NOSTRIN: variants seen among roughly 807,000 people sequenced by gnomAD.
NOSTRIN encodes nitric oxide synthase trafficking, also known as BM247 homolog.
Under a neutral mutation model 59.0 loss-of-function variants are expected in NOSTRIN, and 63 were observed. That is an observed-to-expected ratio of 1.07 (90% CI 0.87 to 1.32). The LOEUF is 1.32. Among genes scored for constraint, NOSTRIN ranks in the 40% most tolerant of loss-of-function variants. The probability of loss-of-function intolerance (pLI) is 0.00; values close to 1 mark genes in which losing one functional copy is unlikely to be tolerated. For synonymous variants in NOSTRIN, 200 were observed against 165.4 expected, an observed-to-expected ratio of 1.21 and a Z score of -1.61; for missense variants, 512 against 473.1, an observed-to-expected ratio of 1.08 and a Z score of -0.76.
chr2:168,855,284 C>G (rs1277730969), intron 10 of NOSTRIN, 68 bp from the exon 11 acceptor site: 3 of 718,126 alleles, frequency 4.2e-6, no homozygotes, highest in Middle Eastern at 3.8e-4. Context: ...GTGGAAGTAT[C>G]AGAATGGACA....
chr2:168,822,667 T>C (rs1443540073), intron 2 of NOSTRIN, among the ~76,000 whole-genome samples: 1 of 152,230 alleles, frequency 6.6e-6, no homozygotes, highest in African/African-American at 2.4e-5. Context: ...AAAAGTGATA[T>C]GAAGATGCCC....
intron 3 of NOSTRIN, among the ~76,000 whole-genome samples, chr2:168,826,511 G>A (rs1194557594): frequency 6.7e-6 from 1 of 149,878 alleles, no homozygotes; most frequent in African/African-American, 2.5e-5. Context: ...TCTTTTCACA[G>A]GTGTTGACCA....
At position 168,802,687 on chromosome 2, in the gene NOSTRIN, T is replaced by C. The variant is rs1053121649; in HGVS notation, c.27+14T>C. 1.2e-6 allele frequency: 1 copy of C among 868,614 alleles called. No individual in the cohort carries two copies. The allele number at this position is 868,614 out of a possible 1,614,324, so 53.8% of individuals were successfully genotyped here. ...ACAGATTGTCCGGTGAGTAGCTCAG[T>C]GTGGTTTGTGTGCCTGCGTGTGAGG... On this transcript the variant is annotated intron_variant, in intron 1 of 15. Transcript: ENST00000317647.
intron 12 of NOSTRIN, among the ~76,000 whole-genome samples, chr2:168,858,053 G>A (rs1689228997): frequency 6.6e-6 from 1 of 152,238 alleles, no homozygotes; most frequent in Non-Finnish European, 1.5e-5. Flanking sequence ...AAAACAGACT[G>A]TAGGACATTT....
intron 8 of NOSTRIN, among the ~76,000 whole-genome samples, chr2:168,844,720 A>C (rs951391902): frequency 1.4e-4 from 22 of 152,138 alleles, no homozygotes; most frequent in Non-Finnish European, 1.0e-4. Context: ...AATAGAAAAA[A>C]TTAGCCGCGC....
rs761309524 is a variant in NOSTRIN, at chr2:168,837,300, C to CTTTTTTTTTTTTT, written c.504+2990_504+3002dup. On this transcript the variant is annotated intron_variant, in intron 7 of 15. Coordinates refer to ENST00000317647, the MANE Select transcript of NOSTRIN (RefSeq NM_001039724.4). Reference sequence around the variant, plus strand: ...TTTTTATAATACACTTTTTTAACATCTTTTTTTTTTTTTTTTTTTTTTTTT... The same window carrying CTTTTTTTTTTTTT: ...TTTTTATAATACACTTTTTTAACATCTTTTTTTTTTTTTTTTTTTTTTTTTTTTTTTTTTTTTT... Among the ~76,000 whole-genome samples, 16 of 62,178 alleles carry CTTTTTTTTTTTTT rather than the reference C, an allele frequency of 2.6e-4. 3 individuals carry two copies. Among genetic ancestry groups the CTTTTTTTTTTTTT allele is most frequent in the African/African-American group, 4.7e-4 (8 of 16,936 alleles). 40.8% of individuals were successfully genotyped at this position (62,178 alleles called of 152,430 possible). A position where few individuals can be genotyped will look rare whatever the true frequency, so the allele number is the denominator to read the frequency against.
chr2:168,825,974 G>A (rs1687039963), intron 3 of NOSTRIN, among the ~76,000 whole-genome samples: 1 of 152,184 alleles, frequency 6.6e-6, no homozygotes, highest in African/African-American at 2.4e-5. Flanking sequence ...GTATAGCACA[G>A]TGGTTGAGTA....
chr2:168,838,789 CTT>C (rs71003059), intron 7 of NOSTRIN, among the ~76,000 whole-genome samples: 5 of 136,264 alleles, frequency 3.7e-5, no homozygotes, highest in Non-Finnish European at 3.1e-5. Flanking sequence ...AAAAAAAACT[CTT>C]TTTTTTTTTT....
chr2:168,829,346 G>C (rs1277007965), intron 5 of NOSTRIN, among the ~76,000 whole-genome samples: 1 of 144,052 alleles, frequency 6.9e-6, no homozygotes. Flanking sequence ...TTTTGACGGA[G>C]TTTTGCTCTT....
At chr2:168,823,387 T>C (rs1574280075) in intron 2 of NOSTRIN, among the ~76,000 whole-genome samples, 1 of 152,198 alleles carries the variant, frequency 6.6e-6, no homozygotes, top group African/African-American at 2.4e-5. Flanking sequence ...AGAAGTGTGT[T>C]GTCTCACAGT....
chr2:168,802,346 G>C, upstream of NOSTRIN: 1 of 342,140 alleles, frequency 2.9e-6, no homozygotes, highest in Non-Finnish European at 5.6e-6. Flanking sequence ...ACATGTTACA[G>C]CTTCTCTGCC....
At chr2:168,862,572 G>A (rs904327139) in intron 15 of NOSTRIN, among the ~76,000 whole-genome samples, 1 of 152,168 alleles carries the variant, frequency 6.6e-6, no homozygotes, top group Non-Finnish European at 1.5e-5. Context: ...TAGAACCTAG[G>A]TCAGCTGACT....
At chr2:168,796,768 A>G (rs185604652), upstream of NOSTRIN, among the ~76,000 whole-genome samples, 34 of 152,164 alleles carry the variant, frequency 2.2e-4, no homozygotes, top group African/African-American at 8.2e-4. Context: ...TCCCAAGTGC[A>G]TTGGAGCCAT....
At chr2:168,855,273 A>T in intron 10 of NOSTRIN, 79 bp from the exon 11 acceptor site, 1 of 625,438 alleles carries the variant, frequency 1.6e-6, no homozygotes, top group Non-Finnish European at 2.7e-6. Flanking sequence ...AAATGCAGCC[A>T]GTGGAAGTAT....
intron 12 of NOSTRIN, chr2:168,859,282 AC>A (rs745560419): frequency 2.3e-6 from 1 of 432,508 alleles, no homozygotes; most frequent in Non-Finnish European, 3.9e-6. Context: ...TTTCCTGTTC[AC>A]CCCCAGAGTA....
intron 1 of NOSTRIN, among the ~76,000 whole-genome samples, chr2:168,804,892 A>G (rs1386716938): frequency 6.6e-6 from 1 of 152,238 alleles, no homozygotes; most frequent in Non-Finnish European, 1.5e-5. Flanking sequence ...ACCAATAAAA[A>G]TCAGAAATTT....
intron 5 of NOSTRIN, 53 bp downstream of exon 5, chr2:168,828,554 T>A: frequency 2.8e-6 from 2 of 717,120 alleles, no homozygotes; most frequent in East Asian, 2.7e-5. Context: ...TTCCTGTGTT[T>A]AGCCCAGAAA....
intron 12 of NOSTRIN, among the ~76,000 whole-genome samples, chr2:168,857,275 T>C (rs1206020333): frequency 6.6e-6 from 1 of 152,230 alleles, no homozygotes; most frequent in Non-Finnish European, 1.5e-5. Flanking sequence ...GCTCAAAAAC[T>C]AGTAATTTTT....
intron 2 of NOSTRIN, among the ~76,000 whole-genome samples, chr2:168,818,007 G>A (rs372531497): frequency 6.6e-5 from 10 of 152,320 alleles, no homozygotes; most frequent in Admixed American, 3.3e-4. Context: ...ACTGGAAGCT[G>A]GTGCTGGTCC....
Sources: allele counts gnomAD v4.1 joint callset (sites outside exome capture counted in the v4.1 genomes callset), GRCh38; gene constraint gnomAD v4.1.1; transcripts MANE v1.5; gene names NCBI Gene and HGNC (gene_info 2026-07-23, HGNC 2026-07-21).